Variants in CDH13 observed in about 807,000 individuals in gnomAD.
CDH13 encodes cadherin 13.
In CDH13, 24 loss-of-function variants were observed where a neutral mutation model predicts 63.8. The ratio of observed to expected loss-of-function variants is 0.38; its 90% CI spans 0.27 to 0.53. CDH13 has a LOEUF of 0.53. CDH13 is among the 20% of genes least tolerant of loss of function. CDH13 has a pLI of 0.85. For missense variants in CDH13, 1,049 were observed against 903.1 expected (o/e 1.16, Z -2.07); for synonymous variants, 503 against 355.3 (o/e 1.42, Z -4.67).
intron 5 of CDH13, 110 bp from the exon 6 acceptor site, chr16:83,344,752 C>G (rs1025397922): frequency 5.9e-6 from 7 of 1,182,942 alleles, no homozygotes; most frequent in Non-Finnish European, 8.5e-6. Flanking sequence ...TTCAATATTG[C>G]CAAGGGCTCA....
chr16:82,895,376 C>G (rs1021526933), intron 2 of CDH13, among the ~76,000 whole-genome samples: 1 of 152,190 alleles, frequency 6.6e-6, no homozygotes. Flanking sequence ...AAATTTGCCA[C>G]CATCCCCTCA....
At chr16:83,466,442 A>C (rs570166040) in intron 6 of CDH13, among the ~76,000 whole-genome samples, 77 of 152,334 alleles carry the variant, frequency 5.1e-4, no homozygotes, top group African/African-American at 1.7e-3. Context: ...TCACCTTCCT[A>C]TGATCCACTG....
At chr16:82,891,276 A>G (rs957525401) in intron 2 of CDH13, among the ~76,000 whole-genome samples, 1 of 152,070 alleles carries the variant, frequency 6.6e-6, no homozygotes, top group Non-Finnish European at 1.5e-5. Context: ...TGGGTAGTGA[A>G]GAGGTCCTCT....
At chr16:83,362,867 T>A (rs1419851582) in intron 6 of CDH13, among the ~76,000 whole-genome samples, 2 of 152,214 alleles carry the variant, frequency 1.3e-5, no homozygotes, top group Non-Finnish European at 2.9e-5. Context: ...TTTTATTGCT[T>A]ATGGGAGATG....
intron 1 of CDH13, among the ~76,000 whole-genome samples, chr16:82,673,924 A>G (rs989080874): frequency 1.3e-5 from 2 of 152,228 alleles, no homozygotes; most frequent in Admixed American, 1.3e-4. Context: ...TGCTTTCTGC[A>G]TCTTTAGTAT....
At chr16:83,654,508 G>A (rs1004170195) in intron 8 of CDH13, among the ~76,000 whole-genome samples, 5 of 152,014 alleles carry the variant, frequency 3.3e-5, no homozygotes, top group Non-Finnish European at 5.9e-5. Context: ...CGGGATCAGG[G>A]GCCAAGAGGA....
chr16:83,327,860 C>T (rs2090398626), intron 5 of CDH13, among the ~76,000 whole-genome samples: 1 of 152,218 alleles, frequency 6.6e-6, no homozygotes, highest in Non-Finnish European at 1.5e-5. Context: ...TGGCTGGGCG[C>T]AGTGGCTTAC....
At chr16:82,945,837 G>A (rs1904652766) in intron 2 of CDH13, among the ~76,000 whole-genome samples, 1 of 152,256 alleles carries the variant, frequency 6.6e-6, no homozygotes, top group South Asian at 2.1e-4. Context: ...GTGTTAGAGA[G>A]TCAAGATAAA....
intron 6 of CDH13, among the ~76,000 whole-genome samples, chr16:83,465,386 G>A (rs1441106859): frequency 2.0e-5 from 3 of 152,182 alleles, no homozygotes; most frequent in African/African-American, 7.2e-5. Context: ...TGATAAACAT[G>A]ATTTGCATCT....
At chr16:83,556,626 C>T (rs2075607820) in intron 7 of CDH13, among the ~76,000 whole-genome samples, 1 of 152,342 alleles carries the variant, frequency 6.6e-6, no homozygotes, top group Middle Eastern at 3.4e-3. Flanking sequence ...CCACATTCTT[C>T]TCCTTGTCTC....
At chr16:82,831,636 A>G (rs1055474017) in intron 1 of CDH13, among the ~76,000 whole-genome samples, 5 of 152,198 alleles carry the variant, frequency 3.3e-5, no homozygotes, top group East Asian at 3.8e-4. Flanking sequence ...AAAAATAACA[A>G]TAACGTCCAG....
chr16:83,557,771 C>T (rs2075631954), intron 7 of CDH13, among the ~76,000 whole-genome samples: 1 of 152,072 alleles, frequency 6.6e-6, no homozygotes, highest in Non-Finnish European at 1.5e-5. Context: ...ATTTGTGATA[C>T]CAGTTTGACC....
chr16:83,344,649 CA>C (rs978398619), intron 5 of CDH13, among the ~76,000 whole-genome samples: 1 of 152,058 alleles, frequency 6.6e-6, no homozygotes, highest in Non-Finnish European at 1.5e-5. Context: ...GTAAATTTCC[CA>C]AGGGGGATCT....
intron 7 of CDH13, among the ~76,000 whole-genome samples, chr16:83,543,459 T>C (rs1159943292): frequency 6.6e-6 from 1 of 152,246 alleles, no homozygotes; most frequent in African/African-American, 2.4e-5. Flanking sequence ...TATGATGATT[T>C]GTTGCTTGCC....
At chr16:82,649,632 C>T (rs1471895433) in intron 1 of CDH13, among the ~76,000 whole-genome samples, 1 of 151,814 alleles carries the variant, frequency 6.6e-6, no homozygotes, top group African/African-American at 2.4e-5. Flanking sequence ...GAGCTTAAAA[C>T]CAGATCTGAA....
At chr16:83,450,741 G>A (rs535900017) in intron 6 of CDH13, among the ~76,000 whole-genome samples, 97 of 152,274 alleles carry the variant, frequency 6.4e-4, no homozygotes, top group African/African-American at 2.2e-3. Flanking sequence ...ATGGTGGAGG[G>A]CGCCTGTAGT....
intron 1 of CDH13, among the ~76,000 whole-genome samples, chr16:82,656,016 T>G (rs1416828707): frequency 1.3e-5 from 2 of 152,156 alleles, no homozygotes; most frequent in East Asian, 3.9e-4. Flanking sequence ...AAACTTCAGC[T>G]GAGAGTTACC....
chr16:83,425,568 T>G (rs549937840), intron 6 of CDH13, among the ~76,000 whole-genome samples: 1 of 152,240 alleles, frequency 6.6e-6, no homozygotes, highest in Non-Finnish European at 1.5e-5. Flanking sequence ...AATATCCTTC[T>G]GCTAATTCCT....
intron 5 of CDH13, among the ~76,000 whole-genome samples, chr16:83,234,932 C>T (rs1597569585): frequency 6.6e-6 from 1 of 152,302 alleles, no homozygotes; most frequent in South Asian, 2.1e-4. Context: ...CACCGTGGCT[C>T]ACGCCTGTAA....
Sources: gnomAD v4.1 joint callset for allele counts (sites outside exome capture counted in the v4.1 genomes callset) on GRCh38, gnomAD v4.1.1 for gene constraint, MANE v1.5 for transcripts, NCBI Gene and HGNC (gene_info 2026-07-23, HGNC 2026-07-21) for gene names.